Variants in ADGRE5 observed in about 807,000 individuals in gnomAD.
ADGRE5 encodes the protein CD97 molecule.
ADGRE5 carries 72 observed loss-of-function variants against 100.3 expected under a neutral mutation model. That is an observed-to-expected ratio of 0.72 (90% CI 0.59 to 0.87). The LOEUF is 0.87. ADGRE5 is among the 40% of genes least tolerant of loss of function. The pLI is 0.00. For missense variants in ADGRE5, 959 were observed against 1,094.7 expected (o/e 0.88, Z 1.75); for synonymous variants, 439 against 447.8 (o/e 0.98, Z 0.25).
Position 14,408,125 on chromosome 19 carries a change from C to T in ADGRE5, c.*4C>T, listed in dbSNP as rs372680454. 2.5e-4 allele frequency: 410 copies of T among 1,612,748 alleles called. No homozygotes were observed. Among genetic ancestry groups the T allele is most frequent in the Non-Finnish European group, 3.3e-4 (389 of 1,179,958 alleles). On this transcript the variant is annotated 3_prime_UTR_variant, in exon 20 of 20. Coordinates refer to ENST00000242786, the MANE Select transcript of ADGRE5 (RefSeq NM_078481.4). The stretch of plus-strand genomic sequence containing the variant: ...GGCATCAGAGTCCGGCATATGAAGG[C>T]GCATGGTTCTGGACGGCCCAGCAGC...
chr19:14,398,713 C>T (rs944203164), intron 9 of ADGRE5, among the ~76,000 whole-genome samples: 2 of 148,756 alleles, frequency 1.3e-5, no homozygotes, highest in African/African-American at 4.9e-5. Context: ...TGGAGTTGGG[C>T]CACAGAAGTT....
At chr19:14,394,113 G>A (rs2146357928) in intron 4 of ADGRE5, among the ~76,000 whole-genome samples, 1 of 152,270 alleles carries the variant, frequency 6.6e-6, no homozygotes, top group Non-Finnish European at 1.5e-5. Flanking sequence ...GTGTTGCTGT[G>A]TTAGAAACAG....
intron 1 of ADGRE5, among the ~76,000 whole-genome samples, chr19:14,386,939 C>T (rs1247442369): frequency 2.0e-5 from 3 of 151,736 alleles, no homozygotes; most frequent in Non-Finnish European, 4.4e-5. Flanking sequence ...TGCTTGAACC[C>T]GGGAGGTGGA....
chr19:14,393,635 C>CG (rs1210145711), intron 4 of ADGRE5, among the ~76,000 whole-genome samples: 3 of 152,128 alleles, frequency 2.0e-5, no homozygotes, highest in African/African-American at 7.2e-5. Flanking sequence ...AAGAAAGGGC[C>CG]GGCAGCCCAG....
chr19:14,407,786 C>G, intron 18 of ADGRE5, 122 bp from the exon 19 acceptor site: 1 of 785,490 alleles, frequency 1.3e-6, no homozygotes. Flanking sequence ...CAGGGGGACC[C>G]GATCTCAAAA....
Position 14,406,181 on chromosome 19 carries a change from C to T in ADGRE5, c.1822-150C>T. On this transcript the variant is annotated intron_variant, in intron 14 of 19. Transcript: ENST00000242786. The surrounding 1 kb of genome is among the most constrained non-coding windows in gnomAD (Gnocchi z 6.0). ...GCTTCTGAGCGTTGTTGGGGGTGGG[C>T]CCTGGGGGGAAACCTGGCCCCCGCT... 2.8e-6 allele frequency: 2 copies of T among 723,242 alleles called. 1 individual carries two copies. Among genetic ancestry groups the T allele is most frequent in the Non-Finnish European group, 4.4e-6 (2 of 449,996 alleles). The allele number at this position is 723,242 out of a possible 1,614,324, so 44.8% of individuals were successfully genotyped here. A position where few individuals can be genotyped will look rare whatever the true frequency, so the allele number is the denominator to read the frequency against.
Position 14,407,085 on chromosome 19 carries a change from G to T in ADGRE5, c.2232G>T (p.Ala744=), listed in dbSNP as rs138222469. Residue 744 remains alanine, a synonymous_variant, in exon 18 of 20, where the codon GCG becomes GCT. Coordinates refer to ENST00000242786, the MANE Select transcript of ADGRE5 (RefSeq NM_078481.4). ...KARALTITAI[A]QLFLLGCTWV... is the part of the protein sequence containing the mutation. ...GGGCGCTGACCATCACGGCCATCGC[G>T]CAGCTCTTCCTGTTGGGCTGCACCT... 1.0e-3 allele frequency: 1,643 copies of T among 1,613,994 alleles called. 8 individuals carry two copies. Among genetic ancestry groups the T allele is most frequent in the Non-Finnish European group, 1.3e-3 (1,502 of 1,180,032 alleles).
chr19:14,391,363 G>T, intron 4 of ADGRE5: 1 of 451,662 alleles, frequency 2.2e-6, no homozygotes, highest in East Asian at 3.8e-5. Flanking sequence ...TGTGAGATGT[G>T]ATAACGTTAT....
At chr19:14,389,404 G>A (rs1199545838) in intron 3 of ADGRE5, among the ~76,000 whole-genome samples, 3 of 89,892 alleles carry the variant, frequency 3.3e-5, no homozygotes, top group Non-Finnish European at 6.1e-5. Flanking sequence ...AGAGGGAGAG[G>A]AAAGGAGGCA....
rs761849292 is a variant in ADGRE5, at chr19:14,396,448, A to G, written c.453A>G (p.Ile151Met). Residue 151 changes from isoleucine (I) to methionine (M), a missense_variant, in exon 5 of 20, where the codon ATA (isoleucine) becomes ATG (methionine). Ile to Met is a conservative substitution (Grantham distance 10). Around this residue, in one of 6 missense-constraint regions of ADGRE5, gnomAD observed 83 missense variants for 88.8 expected, o/e 0.93. Coordinates refer to ENST00000242786, the MANE Select transcript of ADGRE5 (RefSeq NM_078481.4). ...AGTGCCTGCCTGGCTTCAAGTTCAT[A>G]CCTGAGGATCCGAAGGTCTGCACAG... Reference protein sequence around the residue: ...TCQCLPGFKFIPEDPKVCTDV... With the variant: ...TCQCLPGFKFMPEDPKVCTDV... 1.2e-6 allele frequency: 2 copies of G among 1,614,294 alleles called. No homozygotes were observed. The highest frequency in any genetic ancestry group is 1.7e-6 in the Non-Finnish European group (2 of 1,180,052).
At chr19:14,385,628 C>T (rs568209413) in intron 1 of ADGRE5, among the ~76,000 whole-genome samples, 1 of 152,042 alleles carries the variant, frequency 6.6e-6, no homozygotes, top group Non-Finnish European at 1.5e-5. Context: ...GAGGGGGGCC[C>T]GGGGGTGAAA....
intron 1 of ADGRE5, among the ~76,000 whole-genome samples, chr19:14,384,983 C>CT (rs575538948): frequency 0.018 from 1,498 of 82,430 alleles, 10 homozygotes; most frequent in African/African-American, 0.029. Flanking sequence ...TCTTTTCTTT[C>CT]TTTTTTTTTT....
In ADGRE5 at chr19:14,381,617, C is replaced by G. The variant is rs538564533; in HGVS notation, c.22+72C>G. ...GGACCCCTTGGCTGCGTCTGAGAAA[C>G]GGGAGGCGCCGCTGGTGTCTGTGGG... is the stretch of plus-strand genomic sequence containing the variant. On this transcript the variant is annotated intron_variant, in intron 1 of 19. Coordinates refer to ENST00000242786, the MANE Select transcript of ADGRE5 (RefSeq NM_078481.4). 2.6e-6 allele frequency: 4 copies of G among 1,525,506 alleles called. No individual in the cohort carries two copies. The African/African-American group carries it at 4.3e-5, about 16-fold the overall frequency. 94.5% of individuals were successfully genotyped at this position (1,525,506 alleles called of 1,614,324 possible).
At chr19:14,407,001 G>C (rs1976278626) in intron 17 of ADGRE5, 41 bp downstream of exon 17, 12 of 1,613,806 alleles carry the variant, frequency 7.4e-6, no homozygotes, top group East Asian at 2.2e-5. Flanking sequence ...CGGGGCCGGG[G>C]TGAGGGGCAT....
chr19:14,390,344 G>A (rs1288979969), intron 3 of ADGRE5, among the ~76,000 whole-genome samples: 1 of 144,640 alleles, frequency 6.9e-6, no homozygotes, highest in Non-Finnish European at 1.5e-5. Context: ...TTTTTTTTGA[G>A]ACAGAGTCTC....
intron 1 of ADGRE5, among the ~76,000 whole-genome samples, chr19:14,386,693 CAAAAAAA>C (rs1172800346): frequency 2.5e-4 from 14 of 56,550 alleles, no homozygotes; most frequent in East Asian, 6.1e-4. Context: ...GACTCCGTCT[CAAAAAAA>C]AAAAAAAAAA....
chr19:14,399,196 G>A (rs1334928099), intron 9 of ADGRE5, among the ~76,000 whole-genome samples: 1 of 151,762 alleles, frequency 6.6e-6, no homozygotes, highest in African/African-American at 2.4e-5. Flanking sequence ...CCTTCATATA[G>A]TCAGTGTGAA....
In ADGRE5 at chr19:14,408,579, C is replaced by T. The variant is rs1976390989; in HGVS notation, c.*458C>T. ...TGGCGAGGCCCCTTGGGGCCACTGCCTGAGGCTCACGGTACAGAGGCCTGC... is the reference window on the plus strand; with the variant it reads ...TGGCGAGGCCCCTTGGGGCCACTGCTTGAGGCTCACGGTACAGAGGCCTGC... On this transcript the variant is annotated 3_prime_UTR_variant, in exon 20 of 20. Transcript: ENST00000242786. 1 of 436,226 alleles carries T rather than the reference C, an allele frequency of 2.3e-6. No individual in the cohort carries two copies. The highest frequency in any genetic ancestry group is 4.1e-6 in the Non-Finnish European group (1 of 244,406). 27.0% of individuals were successfully genotyped at this position (436,226 alleles called of 1,614,324 possible).
intron 12 of ADGRE5, 130 bp downstream of exon 12, chr19:14,402,992 C>T: frequency 1.6e-6 from 1 of 644,636 alleles, no homozygotes; most frequent in Non-Finnish European, 2.6e-6. Context: ...TTTGGGCCTT[C>T]CCCAACCTCA....
Sources: gnomAD v4.1 joint callset for allele counts (sites outside exome capture counted in the v4.1 genomes callset) on GRCh38, gnomAD v4.1.1 for gene constraint, gnomAD v4.1.1 regional missense constraint, Gnocchi (gnomAD v3.1) non-coding constraint, MANE v1.5 for transcripts, NCBI Gene and HGNC (gene_info 2026-07-23, HGNC 2026-07-21) for gene names.